GC: variants seen among roughly 807,000 people sequenced by gnomAD.
The protein encoded by GC is vitamin D-binding protein.
Under a neutral mutation model 56.7 loss-of-function variants are expected in GC, and 43 were observed. The ratio of observed to expected loss-of-function variants is 0.76; its 90% confidence interval spans 0.59 to 0.98. The LOEUF is 0.98. GC is among the 50% of genes least tolerant of loss of function. The pLI is 0.00. For missense variants in GC, 529 were observed against 545.9 expected, an observed-to-expected ratio of 0.97 and a Z score of 0.31; for synonymous variants, 216 against 202.7, an observed-to-expected ratio of 1.07 and a Z score of -0.56.
At chr4:71,776,692 T>C (rs1331122750) in intron 1 of GC, among the ~76,000 whole-genome samples, 4 of 151,950 alleles carry the variant, frequency 2.6e-5, no homozygotes, top group African/African-American at 4.8e-5. Flanking sequence ...GAGGAGTTCA[T>C]TGATGATTTT....
At chr4:71,778,275 C>A (rs1396945855) in intron 1 of GC, among the ~76,000 whole-genome samples, 3 of 151,822 alleles carry the variant, frequency 2.0e-5, no homozygotes. Context: ...ATAAAAATGA[C>A]TGGTAACTAA....
At chr4:71,801,116 T>C (rs949972311) in intron 1 of GC, among the ~76,000 whole-genome samples, 1 of 152,128 alleles carries the variant, frequency 6.6e-6, no homozygotes, top group Non-Finnish European at 1.5e-5. Flanking sequence ...GAGAGAACTC[T>C]TATAACCCAA....
At chr4:71,752,457 T>G in intron 11 of GC, 61 bp downstream of exon 11, 1 of 1,329,820 alleles carries the variant, frequency 7.5e-7, no homozygotes, top group Non-Finnish European at 1.1e-6. Context: ...AATGAGTAGA[T>G]TGGAGTGCAT....
intron 11 of GC, among the ~76,000 whole-genome samples, chr4:71,748,233 A>G (rs1741438436): frequency 6.6e-6 from 1 of 152,174 alleles, no homozygotes; most frequent in Non-Finnish European, 1.5e-5. Flanking sequence ...GGCTTAATCA[A>G]TGATAGCTAT....
chr4:71,747,023 T>C (rs1741399318), intron 11 of GC, among the ~76,000 whole-genome samples: 1 of 152,050 alleles, frequency 6.6e-6, no homozygotes, highest in African/African-American at 2.4e-5. Flanking sequence ...TTGAGAGATG[T>C]TGCAGAATTA....
chr4:71,759,521 T>G (rs945290797), intron 6 of GC: 2 of 152,184 alleles, frequency 1.3e-5, no homozygotes, highest in African/African-American at 4.8e-5. Flanking sequence ...TGGTTTGCAT[T>G]TCCCCCATCC....
chr4:71,779,855 G>T (rs563298278), intron 1 of GC, among the ~76,000 whole-genome samples: 4 of 151,916 alleles, frequency 2.6e-5, no homozygotes, highest in Admixed American at 2.0e-4. Context: ...GCGTAGGGCT[G>T]TTTTGACAGG....
intron 1 of GC, among the ~76,000 whole-genome samples, chr4:71,775,559 A>C (rs2149304307): frequency 6.6e-6 from 1 of 152,048 alleles, no homozygotes; most frequent in East Asian, 1.9e-4. Context: ...ATACAAGAAA[A>C]CATAGGGGAA....
chr4:71,773,625 T>C (rs1475492890), intron 1 of GC, among the ~76,000 whole-genome samples: 1 of 152,026 alleles, frequency 6.6e-6, no homozygotes, highest in Non-Finnish European at 1.5e-5. Context: ...GCCTTCACTA[T>C]TACTAGTCTT....
intron 1 of GC, among the ~76,000 whole-genome samples, chr4:71,774,123 A>G (rs2149303806): frequency 6.6e-6 from 1 of 152,132 alleles, no homozygotes; most frequent in East Asian, 1.9e-4. Context: ...AAGAAATTCA[A>G]CCCTTTTAAT....
Position 71,793,511 on chromosome 4 carries a change from C to T in GC, c.22-9457G>A, listed in dbSNP as rs111845970. On this transcript the variant is annotated intron_variant, in intron 1 of 13. Transcript: ENST00000504199. ...GATTTTTATACATTGATTTTGTATCCTGAGACTTTGCTGAAATTGCTTATC... is the reference window on the plus strand; with the variant it reads ...GATTTTTATACATTGATTTTGTATCTTGAGACTTTGCTGAAATTGCTTATC... 1.7e-4 allele frequency among the ~76,000 whole-genome samples: 26 copies of T among 152,260 alleles called. 2 individuals are homozygous for T. Among genetic ancestry groups the T allele is most frequent in the African/African-American group, 6.3e-4 (26 of 41,532 alleles).
chr4:71,803,583 T>C (rs1743298943), intron 1 of GC, among the ~76,000 whole-genome samples: 2 of 152,196 alleles, frequency 1.3e-5, no homozygotes. Context: ...CGGGTATTTC[T>C]GGTATTCTAT....
intron 11 of GC, among the ~76,000 whole-genome samples, chr4:71,749,307 G>T (rs1560689697): frequency 6.6e-6 from 1 of 152,292 alleles, no homozygotes; most frequent in Admixed American, 6.5e-5. Flanking sequence ...TCATTGTAAT[G>T]ATTTGAATGG....
rs76935357 is a variant in GC at position 71,776,931 on chromosome 4, T to C, written c.58+7030A>G. On this transcript the variant is annotated intron_variant, in intron 1 of 12. Transcript: ENST00000273951. Reference sequence around the variant, plus strand: ...TCTAATGGAGAGGATATATTGGATGTGTATCATTATTTATGTCTCTATCAT... The same window carrying C: ...TCTAATGGAGAGGATATATTGGATGCGTATCATTATTTATGTCTCTATCAT... Among the ~76,000 whole-genome samples, 2,339 of 151,998 alleles carry C rather than the reference T, an allele frequency of 0.015. 100 individuals are homozygous for C. The East Asian group carries it at 0.16, about 11-fold the overall frequency.
intron 1 of GC, among the ~76,000 whole-genome samples, chr4:71,797,713 A>G (rs1743141931): frequency 6.6e-6 from 1 of 152,190 alleles, no homozygotes; most frequent in Non-Finnish European, 1.5e-5. Flanking sequence ...TGAACCAGGT[A>G]CCGCAGTTGG....
intron 1 of GC, among the ~76,000 whole-genome samples, chr4:71,794,389 G>T (rs979160726): frequency 3.9e-5 from 6 of 152,294 alleles, no homozygotes; most frequent in South Asian, 4.1e-4. Context: ...TCTTGGGAGA[G>T]TGCATGTGTC....
chr4:71,777,939 G>C (rs1030103468), intron 1 of GC, among the ~76,000 whole-genome samples: 19 of 151,616 alleles, frequency 1.3e-4, no homozygotes, highest in Non-Finnish European at 1.9e-4. Flanking sequence ...ACTGTAGATG[G>C]TGGGTTGATG....
chr4:71,758,800 A>G (rs1488304983), intron 6 of GC, among the ~76,000 whole-genome samples: 1 of 152,172 alleles, frequency 6.6e-6, no homozygotes, highest in Non-Finnish European at 1.5e-5. Context: ...TAAATTTACT[A>G]TCTTGACCAT....
At chr4:71,772,804 A>G (rs1742381288) in intron 1 of GC, among the ~76,000 whole-genome samples, 1 of 152,112 alleles carries the variant, frequency 6.6e-6, no homozygotes, top group South Asian at 2.1e-4. Context: ...CTGTAGAGGA[A>G]GCTGTTGCAC....
Sources: gnomAD v4.1 joint callset for allele counts (sites outside exome capture counted in the v4.1 genomes callset) on GRCh38, gnomAD v4.1.1 for gene constraint, MANE v1.5 for transcripts, NCBI Gene and HGNC (gene_info 2026-07-23, HGNC 2026-07-21) for gene names.